Variants in AARSD1 observed in about 807,000 individuals in gnomAD.
AARSD1 encodes the protein alanyl-tRNA synthetase domain containing 1.
A neutral mutation model predicts 48.7 loss-of-function variants in AARSD1; 44 were observed. That is an observed-to-expected ratio of 0.90 (90% CI 0.71 to 1.16). The LOEUF (loss-of-function observed/expected upper bound fraction) is 1.16. Among genes scored for constraint, AARSD1 ranks in the 50% most tolerant of loss-of-function variants. AARSD1 has a pLI of 0.00. For synonymous variants in AARSD1, 189 were observed against 194.9 expected (o/e 0.97, Z 0.25); for missense variants, 511 against 523.1 (o/e 0.98, Z 0.23).
intron 11 of AARSD1, 140 bp from the exon 12 acceptor site, chr17:42,950,868 T>C: frequency 7.3e-7 from 1 of 1,375,420 alleles, no homozygotes; most frequent in South Asian, 1.6e-5. Flanking sequence ...TTGAAAACAC[T>C]TGCACATAGG....
At chr17:42,952,269 C>T (rs964151228) in intron 10 of AARSD1, 4 of 244,918 alleles carry the variant, frequency 1.6e-5, no homozygotes, top group Non-Finnish European at 3.3e-5. Context: ...CTGATGACCT[C>T]TAAGCAGTCT....
chr17:42,951,210 G>C (rs530901044), intron 11 of AARSD1, among the ~76,000 whole-genome samples: 13 of 152,164 alleles, frequency 8.5e-5, no homozygotes, highest in Non-Finnish European at 1.9e-4. Context: ...CATCACATAA[G>C]AGTGAATAAC....
rs2049525381 is a variant in AARSD1, at chr17:42,954,875, C to T, written c.953+1G>A. 3.7e-6 allele frequency: 6 copies of T among 1,614,072 alleles called. No homozygotes were observed. In the East Asian group the frequency reaches 1.3e-4, roughly 36 times the overall value. On this transcript the variant is annotated splice_donor_variant, in intron 9 of 11. Coordinates refer to ENST00000427569, the MANE Select transcript of AARSD1 (RefSeq NM_001261434.2). LOFTEE classifies it high-confidence loss of function. ...CTTGTGTCCAGCTCCTAATTTCTCA[C>T]CTGTGTAATATGACCACACCTCCCC...
chr17:42,956,374 C>A (rs756687957), intron 5 of AARSD1, 30 bp downstream of exon 5: 15 of 1,613,956 alleles, frequency 9.3e-6, no homozygotes, highest in Non-Finnish European at 1.3e-5. Context: ...AATCATTCCG[C>A]AGAAACCATC....
intron 9 of AARSD1, 140 bp downstream of exon 9, chr17:42,954,736 A>G: frequency 1.1e-6 from 1 of 941,932 alleles, no homozygotes; most frequent in Non-Finnish European, 1.6e-6. Flanking sequence ...CCCGGCCAGT[A>G]ACATATTTCT....
chr17:42,960,080 C>A (rs1336278692), intron 3 of AARSD1, among the ~76,000 whole-genome samples: 1 of 151,880 alleles, frequency 6.6e-6, no homozygotes, highest in Non-Finnish European at 1.5e-5. Flanking sequence ...ACCAGCCTGG[C>A]CAACATGGTG....
chr17:42,953,007 T>C (rs1334088812), intron 10 of AARSD1, among the ~76,000 whole-genome samples: 1 of 151,936 alleles, frequency 6.6e-6, no homozygotes, highest in African/African-American at 2.4e-5. Context: ...TGAGACAGAA[T>C]CTCACTCTGT....
chr17:42,956,761 G>A (rs1352346325), intron 4 of AARSD1, among the ~76,000 whole-genome samples: 5 of 128,618 alleles, frequency 3.9e-5, no homozygotes, highest in Admixed American at 1.9e-4. Flanking sequence ...TCCGCCTCCC[G>A]GGTTCACGCC....
chr17:42,964,269 G>A (rs909093806), intron 1 of AARSD1, 32 bp from the exon 2 acceptor site: 1 of 1,468,718 alleles, frequency 6.8e-7, no homozygotes, highest in Admixed American at 2.2e-5. Flanking sequence ...AATAAGCCCC[G>A]ACCCCAGCCC....
chr17:42,960,465 C>G (rs747872113), intron 3 of AARSD1, among the ~76,000 whole-genome samples: 11 of 151,716 alleles, frequency 7.3e-5, no homozygotes, highest in African/African-American at 2.4e-4. Flanking sequence ...GGGGGTGTGG[C>G]TCATGCCTGT....
At chr17:42,960,737 A>T (rs942646428) in intron 3 of AARSD1, among the ~76,000 whole-genome samples, 2 of 151,704 alleles carry the variant, frequency 1.3e-5, no homozygotes, top group Non-Finnish European at 2.9e-5. Context: ...AAAAAAAAAA[A>T]AAGAAAAGAA....
At chr17:42,964,282 GCCCT>G in intron 1 of AARSD1, 45 bp from the exon 2 acceptor site, 1 of 1,608,032 alleles carries the variant, frequency 6.2e-7, no homozygotes, top group Non-Finnish European at 8.5e-7. Context: ...CCCAGCCCTA[GCCCT>G]AGCCCTCTCC....
chr17:42,961,436 C>A, intron 2 of AARSD1, 85 bp from the exon 3 acceptor site: 1 of 1,585,434 alleles, frequency 6.3e-7, no homozygotes, highest in South Asian at 1.1e-5. Flanking sequence ...GGTGAGAGAC[C>A]CAGAATCTGG....
chr17:42,963,961 G>C, intron 2 of AARSD1, 145 bp downstream of exon 2: 3 of 1,417,586 alleles, frequency 2.1e-6, no homozygotes, highest in Non-Finnish European at 2.8e-6. Context: ...AGCAATTGCT[G>C]ATAAATACTC....
chr17:42,952,253 G>A, intron 10 of AARSD1: 2 of 297,414 alleles, frequency 6.7e-6, no homozygotes, highest in Non-Finnish European at 1.3e-5. Context: ...TCTGCCCCTT[G>A]TCTGTCTGAT....
At chr17:42,958,001 G>T (rs934975401) in intron 3 of AARSD1, among the ~76,000 whole-genome samples, 2 of 152,038 alleles carry the variant, frequency 1.3e-5, no homozygotes, top group South Asian at 4.1e-4. Context: ...AAGAAGTAGC[G>T]CATGTCAAAG....
At chr17:42,959,349 G>A (rs1429386239) in intron 3 of AARSD1, among the ~76,000 whole-genome samples, 2 of 151,550 alleles carry the variant, frequency 1.3e-5, no homozygotes, top group African/African-American at 4.8e-5. Flanking sequence ...CTGAGTGGCT[G>A]GGACTACAGG....
In AARSD1 at chr17:42,952,183, C is replaced by T. The variant is rs1011620341; in HGVS notation, c.1009-289G>A. ...GGTTTCACTCTTGCAAACTTTTCCCCACCACACATCCTTTCCCTGCCACTG... is the reference window on the plus strand; with the variant it reads ...GGTTTCACTCTTGCAAACTTTTCCCTACCACACATCCTTTCCCTGCCACTG... On this transcript the variant is annotated intron_variant, in intron 10 of 11. Transcript: ENST00000427569. The T allele has an allele frequency of 7.2e-5, 29 of 403,120 alleles. No individual in the cohort carries two copies. The East Asian group carries it at 1.4e-3, about 19-fold the overall frequency. The allele number at this position is 403,120 out of a possible 1,614,324, so 25.0% of individuals were successfully genotyped here.
At chr17:42,959,105 G>A (rs1478989551) in intron 3 of AARSD1, among the ~76,000 whole-genome samples, 1 of 138,292 alleles carries the variant, frequency 7.2e-6, no homozygotes, top group Non-Finnish European at 1.5e-5. Context: ...GCTGAGGCAG[G>A]AGAATCACCC....
Sources: allele counts gnomAD v4.1 joint callset (sites outside exome capture counted in the v4.1 genomes callset), GRCh38; gene constraint gnomAD v4.1.1; transcripts MANE v1.5; gene names NCBI Gene and HGNC (gene_info 2026-07-23, HGNC 2026-07-21).